CEP76: variants seen among roughly 807,000 people sequenced by gnomAD.
CEP76 encodes the protein centrosomal protein of 76 kDa.
A neutral mutation model predicts 83.3 loss-of-function variants in CEP76; 55 were observed. The ratio of observed to expected loss-of-function variants is 0.66; its 90% CI spans 0.53 to 0.83. CEP76 has a LOEUF of 0.83. Ranked by LOEUF, CEP76 falls within the 40% of genes least tolerant of loss-of-function variation. CEP76 has a pLI of 0.00. For missense variants in CEP76, 694 were observed against 799.5 expected (o/e 0.87, Z 1.59); for synonymous variants, 270 against 274.5 (o/e 0.98, Z 0.16).
At chr18:12,687,442 T>C (rs888043440) in intron 7 of CEP76, among the ~76,000 whole-genome samples, 7 of 151,940 alleles carry the variant, frequency 4.6e-5, no homozygotes, top group Middle Eastern at 3.4e-3. Flanking sequence ...TTCTCAACTA[T>C]AGAAGGCATC....
Position 12,680,901 on chromosome 18 carries a change from A to C in CEP76, c.1123-73T>G, listed in dbSNP as rs141457376. The C allele has an allele frequency of 3.1e-4, 414 of 1,335,820 alleles. 1 individual carries two copies. In the African/African-American group the frequency reaches 5.3e-3, roughly 17 times the overall value. 82.7% of individuals were successfully genotyped at this position (1,335,820 alleles called of 1,614,324 possible). A position where few individuals can be genotyped will look rare whatever the true frequency, so the allele number is the denominator to read the frequency against. ...TCATTACATACTTAAATACTAAATT[A>C]TAATAAAAATTTATTGGCTGGGCAC... On this transcript the variant is annotated intron_variant, in intron 8 of 11. Transcript: ENST00000262127.
At position 12,702,467 on chromosome 18, in the gene CEP76, C is replaced by CA; in HGVS notation, c.63+18dup. On this transcript the variant is annotated intron_variant, in intron 1 of 11. Transcript: ENST00000262127. ...TATGGGTCGGCCCGGCGGTCTCTCC[C>CA]AGCACCCGCGACTCTCACCTTGCTC... The CA allele has an allele frequency of 6.3e-7, 1 of 1,590,876 alleles. No homozygotes were observed. The highest frequency in any genetic ancestry group is 8.6e-7 in the Non-Finnish European group (1 of 1,162,818).
In CEP76 at chr18:12,697,241, C is replaced by G; in HGVS notation, c.688G>C (p.Val230Leu). The G allele has an allele frequency of 6.2e-7, 1 of 1,613,042 alleles. No individual in the cohort carries two copies. Among genetic ancestry groups the G allele is most frequent in the Non-Finnish European group, 8.5e-7 (1 of 1,179,464 alleles). Residue 230 changes from valine to leucine, a missense_variant, in exon 5 of 12, where the codon GTG (valine) becomes CTG (leucine). Physicochemically the swap from Val to Leu is conservative, Grantham distance 32. Transcript: ENST00000262127. ...ACCATACCTACACCCATAAGTTCCA[C>G]AGTCAGACTGGTCACTCCATTTTCT... ...GSENGVTSLT[V>L]ELMGVGTESK...
chr18:12,662,216 TA>T (rs1410621225), intron 12 of CEP76: 1 of 443,520 alleles, frequency 2.3e-6, no homozygotes, highest in South Asian at 1.6e-5. Context: ...GCATATTTTT[TA>T]ATGTTGTAAC....
In CEP76 at chr18:12,680,913, T is replaced by G. The variant is rs2039324445; in HGVS notation, c.1123-85A>C. 3 of 1,265,882 alleles carry G rather than the reference T, an allele frequency of 2.4e-6. No individual in the cohort carries two copies. The South Asian group carries it at 4.9e-5, about 20-fold the overall frequency. 78.4% of individuals were successfully genotyped at this position (1,265,882 alleles called of 1,614,324 possible). A position where few individuals can be genotyped will look rare whatever the true frequency, so the allele number is the denominator to read the frequency against. On this transcript the variant is annotated intron_variant, in intron 8 of 11. Transcript: ENST00000262127. ...TAAATACTAAATTATAATAAAAATT[T>G]ATTGGCTGGGCACAGTGGCTCACGC...
rs1030393058 is a variant in CEP76 at position 12,683,197 on chromosome 18, A to C, written c.1123-2369T>G. ...TCTACTAAAAATACCAAAAAAAAAA[A>C]AAAAAAAGCCAGGCATGGTGGCTCC... On this transcript the variant is annotated intron_variant, in intron 8 of 11. Transcript: ENST00000262127. 1.1e-3 allele frequency among the ~76,000 whole-genome samples: 164 copies of C among 147,528 alleles called. 1 individual carries two copies. The highest frequency in any genetic ancestry group is 4.0e-3 in the African/African-American group (162 of 40,588).
intron 10 of CEP76, among the ~76,000 whole-genome samples, chr18:12,675,383 G>A (rs1036761321): frequency 5.9e-5 from 9 of 152,028 alleles, no homozygotes; most frequent in South Asian, 2.1e-4. Context: ...GCAACAGAGC[G>A]AGACTCTGTC....
downstream of CEP76, among the ~76,000 whole-genome samples, chr18:12,669,149 G>A (rs888305478): frequency 7.3e-6 from 1 of 136,936 alleles, no homozygotes; most frequent in Admixed American, 8.2e-5. Flanking sequence ...GAGTTTCACT[G>A]TTTCCCAAGC....
chr18:12,678,220 A>G lies in CEP76; in HGVS notation c.1512T>C (p.Ala504=). The G allele has an allele frequency of 6.2e-7, 1 of 1,614,156 alleles. No individual in the cohort carries two copies. The highest frequency in any genetic ancestry group is 8.5e-7 in the Non-Finnish European group (1 of 1,180,004). Residue 504 remains alanine (A), a synonymous_variant, in exon 10 of 12, where the codon GCT becomes GCC. Coordinates refer to ENST00000262127, the MANE Select transcript of CEP76 (RefSeq NM_024899.4). ...EAIKSVCAPG[A]TTSLPPFPPL... is the part of the protein sequence containing the mutation. ...GTGGAAAGGGAGGAAGGGATGTTGT[A>G]GCTCCAGGAGCACACACAGATTTAA... is the stretch of plus-strand genomic sequence containing the variant.
intron 11 of CEP76, among the ~76,000 whole-genome samples, 193 bp downstream of exon 11, chr18:12,674,343 G>A (rs988597135): frequency 6.6e-6 from 1 of 151,816 alleles, no homozygotes; most frequent in African/African-American, 2.4e-5. Flanking sequence ...CTGGGAGGGT[G>A]AGGTGGAAGG....
At chr18:12,664,540 A>G (rs867585805) in intron 12 of CEP76, among the ~76,000 whole-genome samples, 88 of 151,128 alleles carry the variant, frequency 5.8e-4, no homozygotes, top group African/African-American at 1.8e-3. Flanking sequence ...ACAGAGCGAG[A>G]CTCCGTCTCA....
intron 7 of CEP76, 58 bp from the exon 8 acceptor site, chr18:12,686,508 T>C: frequency 8.1e-7 from 1 of 1,239,906 alleles, no homozygotes; most frequent in Non-Finnish European, 1.1e-6. Flanking sequence ...AATTATGTTT[T>C]TTTCAAATAC....
At chr18:12,698,012 G>C (rs530810162) in intron 4 of CEP76, among the ~76,000 whole-genome samples, 1 of 151,728 alleles carries the variant, frequency 6.6e-6, no homozygotes, top group South Asian at 2.1e-4. Flanking sequence ...TACCTTTACT[G>C]AAAGAAACAT....
intron 6 of CEP76, among the ~76,000 whole-genome samples, chr18:12,693,683 T>C (rs1023047628): frequency 6.6e-6 from 1 of 152,024 alleles, no homozygotes; most frequent in Non-Finnish European, 1.5e-5. Context: ...CTCAGGAGAC[T>C]GAGGCAGGAG....
intron 7 of CEP76, among the ~76,000 whole-genome samples, chr18:12,689,860 G>A (rs370723064): frequency 5.7e-4 from 87 of 152,198 alleles, no homozygotes; most frequent in African/African-American, 1.8e-3. Context: ...CGTGATCTTC[G>A]CTCACTGCAA....
chr18:12,702,735 G>T (rs1247084563), upstream of CEP76: 1 of 631,580 alleles, frequency 1.6e-6, no homozygotes, highest in Admixed American at 3.3e-5. Flanking sequence ...AGGCCCCGGC[G>T]GCGGCGGCGC....
Position 12,672,655 on chromosome 18 carries a change from C to T in CEP76, c.*710G>A, listed in dbSNP as rs1417759410. On this transcript the variant is annotated 3_prime_UTR_variant, in exon 12 of 12. Coordinates refer to ENST00000262127, the MANE Select transcript of CEP76 (RefSeq NM_024899.4). ...GATCGACTGCAAGATCACAATTTAT[C>T]AGTATCATAACAAAGAGGTATAATA... 6.1e-6 allele frequency: 6 copies of T among 982,132 alleles called. No individual in the cohort carries two copies. Among genetic ancestry groups the T allele is most frequent in the Non-Finnish European group, 7.3e-6 (6 of 827,028 alleles). 60.8% of individuals were successfully genotyped at this position (982,132 alleles called of 1,614,324 possible).
intron 10 of CEP76, among the ~76,000 whole-genome samples, chr18:12,675,417 T>C (rs1057313421): frequency 6.6e-6 from 1 of 151,324 alleles, no homozygotes; most frequent in East Asian, 1.9e-4. Context: ...ATAAATAAAA[T>C]AAATAAAAAA....
chr18:12,684,502 T>C (rs1286661044), intron 8 of CEP76: 1 of 150,402 alleles, frequency 6.6e-6, no homozygotes, highest in Non-Finnish European at 1.5e-5. Context: ...TTTTTTGAGA[T>C]GGAGTTTTGC....
Sources: gnomAD v4.1 joint callset for allele counts (sites outside exome capture counted in the v4.1 genomes callset) on GRCh38, gnomAD v4.1.1 for gene constraint, MANE v1.5 for transcripts, NCBI Gene and HGNC (gene_info 2026-07-23, HGNC 2026-07-21) for gene names.